ABCG5: variants seen among roughly 807,000 people sequenced by gnomAD.
ABCG5 encodes the protein ATP binding cassette subfamily G member 5.
Under a neutral mutation model 64.5 loss-of-function variants are expected in ABCG5, and 64 were observed. The observed-to-expected ratio is 0.99, with a 90% confidence interval of 0.81 to 1.22. The LOEUF (loss-of-function observed/expected upper bound fraction) is 1.22. Ranked by LOEUF, ABCG5 falls within the 50% of genes most tolerant of loss-of-function variation. The probability of loss-of-function intolerance (pLI) is 0.00; values close to 1 mark genes in which losing one functional copy is unlikely to be tolerated. For missense variants in ABCG5, 908 were observed against 829.5 expected (o/e 1.09, Z -1.16); for synonymous variants, 385 against 326.3 (o/e 1.18, Z -1.94).
At chr2:43,834,694 GC>G (rs998457639) in intron 2 of ABCG5, among the ~76,000 whole-genome samples, 2 of 152,224 alleles carry the variant, frequency 1.3e-5, no homozygotes, top group African/African-American at 4.8e-5. Context: ...TAAGGTTAAT[GC>G]CCTAAAGGGC....
At chr2:43,826,590 T>C in intron 5 of ABCG5, 69 bp from the exon 6 acceptor site, 1 of 1,605,014 alleles carries the variant, frequency 6.2e-7, no homozygotes, top group African/African-American at 1.3e-5. Context: ...AAACTCAGAG[T>C]TCTGAACTGT....
rs4073237 is a variant in ABCG5 at position 43,822,733 on chromosome 2, C to T, written c.1463+64G>A. On this transcript the variant is annotated intron_variant, in intron 10 of 12. Transcript: ENST00000405322. ...ACTTCACCCTGGAGCTCTCCCTGCA[C>T]GAGTCCCACTAGCTCCATGACTCCA... 0.059 allele frequency: 95,133 copies of T among 1,610,602 alleles called. 2,994 individuals carry two copies. The highest frequency in any genetic ancestry group is 0.063 in the Non-Finnish European group (74,522 of 1,178,034).
At position 43,824,105 on chromosome 2, in the gene ABCG5, T is replaced by C. The variant is rs1308052237; in HGVS notation, c.1132A>G (p.Asn378Asp). 1 of 1,614,208 alleles carries C rather than the reference T, an allele frequency of 6.2e-7. No individual in the cohort carries two copies. The highest frequency in any genetic ancestry group is 8.5e-7 in the Non-Finnish European group (1 of 1,180,024). ...LGVLLRRVTRNLVRNKLAVIT... is the reference protein window; with the variant it reads ...LGVLLRRVTRDLVRNKLAVIT... ...ACTGCCAGCTTATTTCTCACCAAGTTTCTTGTCACTCTCCTGAAAACAAAC... is the reference window on the plus strand; with the variant it reads ...ACTGCCAGCTTATTTCTCACCAAGTCTCTTGTCACTCTCCTGAAAACAAAC... The change falls in exon 9 of 13, where the codon AAC becomes GAC. Residue 378 changes from asparagine to aspartate, a missense_variant. By Grantham distance (23) the Asn-to-Asp change is conservative (BLOSUM62 1). Coordinates refer to ENST00000405322, the MANE Select transcript of ABCG5 (RefSeq NM_022436.3).
rs1393454795 is a variant in ABCG5, at chr2:43,812,959, G to C, written c.*157C>G. On this transcript the variant is annotated 3_prime_UTR_variant, in exon 13 of 13. Transcript: ENST00000405322. Reference sequence around the variant, plus strand: ...ATAAACCACTTCCATTGCATTCAAGGCCTGCTTGGATCCAAGAGGCACAAA... The same window carrying C: ...ATAAACCACTTCCATTGCATTCAAGCCCTGCTTGGATCCAAGAGGCACAAA... 2 of 653,134 alleles carry C rather than the reference G, an allele frequency of 3.1e-6. No homozygotes were observed. The highest frequency in any genetic ancestry group is 1.8e-5 in the African/African-American group (1 of 55,296). The allele number at this position is 653,134 out of a possible 1,614,324, so 40.5% of individuals were successfully genotyped here.
chr2:43,811,984 C>G (rs1027128039), downstream of ABCG5, among the ~76,000 whole-genome samples: 16 of 152,282 alleles, frequency 1.1e-4, 1 homozygote, highest in Admixed American at 3.3e-4. Flanking sequence ...GCACCCTTTA[C>G]AGTTCAAGAA....
At chr2:43,806,415 T>C in the ABCG5 span, among the ~76,000 whole-genome samples, 2 of 152,234 alleles carry the variant, frequency 1.3e-5, no homozygotes, top group East Asian at 1.9e-4. Context: ...TCGGGGGCTG[T>C]TGGAGAAGTA....
chr2:43,812,924 G>C lies in ABCG5; in HGVS notation c.*192C>G. ...CCACATGTCCCTGCAAGTTGTAAGA[G>C]CAAGGGACTATAAACCACTTCCATT... is the stretch of plus-strand genomic sequence containing the variant. On this transcript the variant is annotated 3_prime_UTR_variant, in exon 13 of 13. Coordinates refer to ENST00000405322, the MANE Select transcript of ABCG5 (RefSeq NM_022436.3). 1 of 596,108 alleles carries C rather than the reference G, an allele frequency of 1.7e-6. No individual in the cohort carries two copies. Among genetic ancestry groups the C allele is most frequent in the Non-Finnish European group, 3.0e-6 (1 of 333,616 alleles). 36.9% of individuals were successfully genotyped at this position (596,108 alleles called of 1,614,324 possible).
chr2:43,829,738 C>T (rs779908254), intron 4 of ABCG5, among the ~76,000 whole-genome samples: 1 of 152,070 alleles, frequency 6.6e-6, no homozygotes, highest in Admixed American at 6.6e-5. Flanking sequence ...CCAGACACCC[C>T]TAATAAGGCC....
chr2:43,837,749 T>C, intron 2 of ABCG5, 85 bp downstream of exon 2: 2 of 1,583,896 alleles, frequency 1.3e-6, no homozygotes, highest in Non-Finnish European at 1.7e-6. Flanking sequence ...AACCTGTGGC[T>C]TTCTTGTTAC....
chr2:43,809,802 T>G (rs1381121622), downstream of ABCG5: 1 of 1,577,722 alleles, frequency 6.3e-7, no homozygotes, highest in Admixed American at 1.8e-5. Context: ...ATTTCTTCTT[T>G]TCCAAATACA....
At chr2:43,821,838 G>C (rs907538475) in intron 10 of ABCG5, among the ~76,000 whole-genome samples, 1 of 151,576 alleles carries the variant, frequency 6.6e-6, no homozygotes, top group African/African-American at 2.4e-5. Flanking sequence ...TGAATTTCTT[G>C]ATATCTTCAT....
rs566738809 is a variant in ABCG5 at position 43,820,492 on chromosome 2, C to T, written c.1464-392G>A. ...CCTAATGTTAAAGGGCTCACCCAAC[C>T]CGCTTCCCAGCACCCCCTTCCCTGA... On this transcript the variant is annotated intron_variant, in intron 10 of 12. Coordinates refer to ENST00000405322, the MANE Select transcript of ABCG5 (RefSeq NM_022436.3). Among the ~76,000 whole-genome samples, 8 of 152,238 alleles carry T rather than the reference C, an allele frequency of 5.3e-5. No individual in the cohort carries two copies. In the South Asian group the frequency reaches 1.5e-3, roughly 28 times the overall value.
At position 43,838,775 on chromosome 2, in the gene ABCG5, C is replaced by T; in HGVS notation, c.-96G>A. 1 of 1,561,544 alleles carries T rather than the reference C, an allele frequency of 6.4e-7. No individual in the cohort carries two copies. Among genetic ancestry groups the T allele is most frequent in the East Asian group, 2.4e-5 (1 of 41,562 alleles). On this transcript the variant is annotated 5_prime_UTR_variant, in exon 1 of 13. Coordinates refer to ENST00000405322, the MANE Select transcript of ABCG5 (RefSeq NM_022436.3). The surrounding 1 kb of genome is among the most constrained non-coding windows in gnomAD (Gnocchi z 4.2). ...AGCCCGTGGCAGACTGCCCTGCCTG[C>T]TCCACCTGACCCCGGAGTCCCTTGG...
Position 43,824,129 on chromosome 2 carries a change from AC to A in ABCG5, c.1119-12del. On this transcript the variant is annotated splice_polypyrimidine_tract_variant and intron_variant, in intron 8 of 12. Transcript: ENST00000405322. ...TTTCTTGTCACTCTCCTGAAAACAA[AC>A]AACCCTGTTTTAATTCCTTTTCAGA... is the stretch of plus-strand genomic sequence containing the variant. The A allele has an allele frequency of 6.2e-7, 1 of 1,614,184 alleles. No homozygotes were observed. The highest frequency in any genetic ancestry group is 8.5e-7 in the Non-Finnish European group (1 of 1,180,020).
At chr2:43,817,728 G>A (rs72873562) in intron 11 of ABCG5, among the ~76,000 whole-genome samples, 2,360 of 152,108 alleles carry the variant, frequency 0.016, 62 homozygotes, top group African/African-American at 0.053. Context: ...TGGCCAAAAT[G>A]GTGAAACCAC....
intron 4 of ABCG5, chr2:43,828,472 C>CAAAAAAAAAAAAAAA (rs754944007): frequency 1.6e-5 from 3 of 189,944 alleles, no homozygotes; most frequent in Admixed American, 9.3e-5. Context: ...CCTGTCTCTA[C>CAAAAAAAAAAAAAAA]AAAAAAAAAA....
chr2:43,823,910 T>TA lies in ABCG5; in HGVS notation c.1324+2dup. On this transcript the variant is annotated splice_region_variant and intron_variant, in intron 9 of 12. Coordinates refer to ENST00000405322, the MANE Select transcript of ABCG5 (RefSeq NM_022436.3). ...GGTGCACCTCCAGCACGTGGGCACTTACACAGATTCACAGCGTTCAGCATG... is the reference window on the plus strand; with the variant it reads ...GGTGCACCTCCAGCACGTGGGCACTTAACACAGATTCACAGCGTTCAGCATG... The TA allele has an allele frequency of 2.5e-6, 4 of 1,613,850 alleles. No homozygotes were observed. Among genetic ancestry groups the TA allele is most frequent in the Non-Finnish European group, 3.4e-6 (4 of 1,179,804 alleles).
chr2:43,810,774 A>G (rs1435692849), downstream of ABCG5, among the ~76,000 whole-genome samples: 1 of 152,196 alleles, frequency 6.6e-6, no homozygotes, highest in African/African-American at 2.4e-5. Flanking sequence ...TCTTTAGCAC[A>G]CGTTTCTTGC....
At chr2:43,836,701 AG>A (rs1166180314) in intron 2 of ABCG5, among the ~76,000 whole-genome samples, 1 of 152,172 alleles carries the variant, frequency 6.6e-6, no homozygotes, top group East Asian at 1.9e-4. Context: ...TGGCTGATGC[AG>A]GGGCACAAAC....
Sources: gnomAD v4.1 joint callset for allele counts (sites outside exome capture counted in the v4.1 genomes callset) on GRCh38, gnomAD v4.1.1 for gene constraint, Gnocchi (gnomAD v3.1) non-coding constraint, MANE v1.5 for transcripts, NCBI Gene and HGNC (gene_info 2026-07-23, HGNC 2026-07-21) for gene names.